ADAMTSL3: variants seen among roughly 807,000 people sequenced by gnomAD.
ADAMTSL3 encodes the protein ADAMTS like 3, also known as ADAMTS-like protein 3.
A neutral mutation model predicts 201.7 loss-of-function variants in ADAMTSL3; 128 were observed. The ratio of observed to expected loss-of-function variants is 0.63; its 90% CI spans 0.55 to 0.73. ADAMTSL3 has a LOEUF of 0.73. ADAMTSL3 is among the 30% of genes least tolerant of loss of function. ADAMTSL3 has a pLI of 0.00. For missense variants in ADAMTSL3, 1,990 were observed against 2,119.6 expected, an observed-to-expected ratio of 0.94 and a Z score of 1.20; for synonymous variants, 738 against 748.4, an observed-to-expected ratio of 0.99 and a Z score of 0.23.
chr15:83,825,459 A>G (rs2064002138), intron 6 of ADAMTSL3, among the ~76,000 whole-genome samples: 1 of 152,090 alleles, frequency 6.6e-6, no homozygotes, highest in Non-Finnish European at 1.5e-5. Context: ...AAAACTTTTT[A>G]AAAATTAGCT....
intron 3 of ADAMTSL3, among the ~76,000 whole-genome samples, chr15:83,758,272 C>T (rs2062752448): frequency 1.3e-5 from 2 of 152,194 alleles, no homozygotes; most frequent in South Asian, 4.1e-4. Context: ...GGAGGCCTTA[C>T]AATCCTGGTG....
chr15:83,723,010 TG>T (rs1464337978), intron 3 of ADAMTSL3, among the ~76,000 whole-genome samples: 5 of 152,148 alleles, frequency 3.3e-5, no homozygotes, highest in African/African-American at 9.7e-5. Context: ...AGCCTTAAAA[TG>T]AATACTTGTC....
intron 8 of ADAMTSL3, among the ~76,000 whole-genome samples, chr15:83,859,111 A>T (rs2064803126): frequency 6.6e-6 from 1 of 152,208 alleles, no homozygotes; most frequent in Non-Finnish European, 1.5e-5. Context: ...GAACTCCCAG[A>T]TGTGTTACAT....
chr15:83,827,198 C>T (rs1220938809), intron 6 of ADAMTSL3, among the ~76,000 whole-genome samples: 2 of 152,172 alleles, frequency 1.3e-5, no homozygotes, highest in East Asian at 1.9e-4. Flanking sequence ...TTAATGATCG[C>T]CATTCTAACT....
chr15:83,904,120 T>C (rs1269093879), intron 15 of ADAMTSL3, among the ~76,000 whole-genome samples: 2 of 151,266 alleles, frequency 1.3e-5, no homozygotes, highest in African/African-American at 4.9e-5. Flanking sequence ...CACCCTTTCT[T>C]CCCCCGTGTT....
intron 5 of ADAMTSL3, among the ~76,000 whole-genome samples, chr15:83,817,376 A>T (rs2063785973): frequency 6.6e-6 from 1 of 152,258 alleles, no homozygotes; most frequent in African/African-American, 2.4e-5. Flanking sequence ...TATAACAAAT[A>T]GTTAAACATG....
intron 13 of ADAMTSL3, among the ~76,000 whole-genome samples, chr15:83,893,792 A>C (rs1478503541): frequency 6.6e-6 from 1 of 152,180 alleles, no homozygotes; most frequent in Non-Finnish European, 1.5e-5. Flanking sequence ...AATAAAATGC[A>C]GCCGGATTAG....
intron 28 of ADAMTSL3, 130 bp from the exon 29 acceptor site, chr15:84,036,643 G>A: frequency 1.5e-6 from 1 of 664,072 alleles, no homozygotes; most frequent in Non-Finnish European, 2.5e-6. Context: ...GGAATGTCTT[G>A]GTCTTAGACT....
At chr15:83,827,698 A>C (rs2064056445) in intron 6 of ADAMTSL3, among the ~76,000 whole-genome samples, 1 of 152,220 alleles carries the variant, frequency 6.6e-6, no homozygotes, top group Non-Finnish European at 1.5e-5. Flanking sequence ...ATAAGGTGCA[A>C]GGAAGGGATC....
intron 19 of ADAMTSL3, 128 bp downstream of exon 19, chr15:83,943,210 A>G: frequency 9.5e-7 from 1 of 1,057,354 alleles, no homozygotes; most frequent in East Asian, 2.7e-5. Context: ...GGCCACATTT[A>G]AGGAGGTGCT....
chr15:83,719,541 A>G (rs1462607719), intron 3 of ADAMTSL3, among the ~76,000 whole-genome samples: 1 of 152,226 alleles, frequency 6.6e-6, no homozygotes, highest in Non-Finnish European at 1.5e-5. Context: ...TATTGTGAAT[A>G]TGCTAAAAAG....
intron 6 of ADAMTSL3, among the ~76,000 whole-genome samples, chr15:83,825,185 T>C (rs546619402): frequency 1.3e-5 from 2 of 152,238 alleles, no homozygotes; most frequent in Admixed American, 1.3e-4. Context: ...TTCCCCATTA[T>C]TGCCATCAGT....
intron 2 of ADAMTSL3, among the ~76,000 whole-genome samples, chr15:83,691,109 C>T (rs780942990): frequency 2.6e-5 from 4 of 152,102 alleles, no homozygotes; most frequent in East Asian, 1.9e-4. Flanking sequence ...TTCTCTCCTG[C>T]GCCTCCTTTT....
At chr15:83,954,161 T>A (rs1414904752) in intron 19 of ADAMTSL3, among the ~76,000 whole-genome samples, 1 of 152,214 alleles carries the variant, frequency 6.6e-6, no homozygotes, top group East Asian at 1.9e-4. Flanking sequence ...GACTAATAAC[T>A]CTTAGATTTG....
At chr15:84,027,583 G>T (rs991213702) in intron 27 of ADAMTSL3, among the ~76,000 whole-genome samples, 7 of 151,996 alleles carry the variant, frequency 4.6e-5, no homozygotes, top group African/African-American at 1.7e-4. Context: ...GGTGGCGGGT[G>T]CCTGTAGTCC....
At chr15:83,994,762 ATTTT>A (rs58549986) in intron 23 of ADAMTSL3, among the ~76,000 whole-genome samples, 2 of 112,458 alleles carry the variant, frequency 1.8e-5, no homozygotes, top group African/African-American at 3.4e-5. Context: ...ATGCCTGGCT[ATTTT>A]TTTTTTTTTT....
At chr15:83,790,085 T>A (rs2063321861) in intron 4 of ADAMTSL3, among the ~76,000 whole-genome samples, 1 of 151,626 alleles carries the variant, frequency 6.6e-6, no homozygotes, top group Admixed American at 6.6e-5. Context: ...AAAATTGAAT[T>A]TATAGTATAA....
intron 3 of ADAMTSL3, chr15:83,740,232 G>T (rs1596119656): frequency 6.0e-6 from 1 of 167,018 alleles, no homozygotes; most frequent in East Asian, 1.6e-4. Context: ...AGACACTCAT[G>T]GAACACTTAC....
Position 83,960,151 on chromosome 15 carries a change from C to A in ADAMTSL3, c.2491-10333C>A, listed in dbSNP as rs142319453. Among the ~76,000 whole-genome samples, 613 of 152,112 alleles carry A rather than the reference C, an allele frequency of 4.0e-3. 4 individuals are homozygous for A. Among genetic ancestry groups the A allele is most frequent in the Admixed American group, 7.1e-3 (109 of 15,288 alleles). ...AGCTTACAAAAAGCTTTTGTCTATA[C>A]TGAAAAATAATAATAATTAGGGCTT... On this transcript the variant is annotated intron_variant, in intron 19 of 29. Coordinates refer to ENST00000286744, the MANE Select transcript of ADAMTSL3 (RefSeq NM_207517.3).
Sources: allele counts gnomAD v4.1 joint callset (sites outside exome capture counted in the v4.1 genomes callset), GRCh38; gene constraint gnomAD v4.1.1; transcripts MANE v1.5; gene names NCBI Gene and HGNC (gene_info 2026-07-23, HGNC 2026-07-21).